Variants in LRRTM4 observed in about 807,000 individuals in gnomAD.
The protein encoded by LRRTM4 is leucine rich repeat transmembrane neuronal 4.
Under a neutral mutation model 47.6 loss-of-function variants are expected in LRRTM4, and 25 were observed. The observed-to-expected ratio is 0.53, with a 90% CI of 0.38 to 0.73. LRRTM4 has a LOEUF of 0.73. Among genes scored for constraint, LRRTM4 ranks in the 30% least tolerant of loss-of-function variants. The pLI is 0.00. For synonymous variants in LRRTM4, 311 were observed against 269.5 expected (o/e 1.15, Z -1.51); for missense variants, 638 against 713.4 (o/e 0.89, Z 1.20).
intron 3 of LRRTM4, among the ~76,000 whole-genome samples, chr2:77,064,783 G>C (rs1025953683): frequency 2.6e-5 from 4 of 152,122 alleles, no homozygotes; most frequent in African/African-American, 9.7e-5. Context: ...ATTTGTCACA[G>C]ATTGGGGGGA....
intron 3 of LRRTM4, among the ~76,000 whole-genome samples, chr2:76,778,709 C>A (rs1297638948): frequency 6.6e-6 from 1 of 151,324 alleles, no homozygotes; most frequent in Non-Finnish European, 1.5e-5. Context: ...TTCAAAAAAC[C>A]AGCTCCTGGA....
chr2:76,813,793 G>A (rs1221469845), intron 3 of LRRTM4, among the ~76,000 whole-genome samples: 1 of 152,096 alleles, frequency 6.6e-6, no homozygotes, highest in Non-Finnish European at 1.5e-5. Flanking sequence ...CACAAAGATT[G>A]TGAAGATACT....
At chr2:77,521,560 G>T in intron 2 of LRRTM4, 108 bp downstream of exon 2, 1 of 1,269,696 alleles carries the variant, frequency 7.9e-7, no homozygotes, top group Non-Finnish European at 1.1e-6. Flanking sequence ...CTCAAAGGCT[G>T]CTGCTCTTTG....
At chr2:77,019,904 T>G (rs139929277) in intron 3 of LRRTM4, among the ~76,000 whole-genome samples, 1 of 151,992 alleles carries the variant, frequency 6.6e-6, no homozygotes, top group African/African-American at 2.4e-5. Flanking sequence ...GTTGAAAGAA[T>G]GTCAAACAAA....
intron 3 of LRRTM4, among the ~76,000 whole-genome samples, chr2:76,904,053 G>T (rs1168455024): frequency 1.3e-5 from 2 of 152,204 alleles, no homozygotes; most frequent in Non-Finnish European, 2.9e-5. Flanking sequence ...AATATTTGCA[G>T]CAACACTGGT....
intron 3 of LRRTM4, among the ~76,000 whole-genome samples, chr2:77,055,788 C>T (rs971747683): frequency 6.6e-6 from 1 of 151,680 alleles, no homozygotes; most frequent in African/African-American, 2.4e-5. Flanking sequence ...TTGGAACCAA[C>T]CCAAATGTCC....
intron 3 of LRRTM4, among the ~76,000 whole-genome samples, chr2:77,078,949 T>G (rs543484913): frequency 1.6e-4 from 24 of 152,258 alleles, no homozygotes; most frequent in Non-Finnish European, 2.2e-4. Flanking sequence ...TGGCTGTCCC[T>G]CAGTGGCAGA....
intron 3 of LRRTM4, among the ~76,000 whole-genome samples, chr2:76,951,377 CAATT>C (rs1278504269): frequency 3.3e-5 from 5 of 151,916 alleles, no homozygotes; most frequent in East Asian, 1.9e-4. Flanking sequence ...TATAAAAAAA[CAATT>C]TATTTCTTTT....
At chr2:77,338,261 A>T (rs2104268827) in intron 3 of LRRTM4, among the ~76,000 whole-genome samples, 1 of 152,238 alleles carries the variant, frequency 6.6e-6, no homozygotes, top group African/African-American at 2.4e-5. Context: ...TCAACTAAAC[A>T]GCTTCTGCAC....
chr2:76,783,964 G>A (rs1427315114), intron 3 of LRRTM4, among the ~76,000 whole-genome samples: 2 of 152,090 alleles, frequency 1.3e-5, no homozygotes, highest in Non-Finnish European at 2.9e-5. Flanking sequence ...AGAACTGGAG[G>A]GTTAAGAAAA....
intron 3 of LRRTM4, among the ~76,000 whole-genome samples, chr2:76,801,675 G>A (rs932609282): frequency 2.0e-5 from 3 of 151,036 alleles, no homozygotes; most frequent in African/African-American, 7.3e-5. Context: ...AAAAAAAAAA[G>A]AAAAGTACAG....
intron 3 of LRRTM4, among the ~76,000 whole-genome samples, chr2:76,751,208 ACTATTCACTT>A (rs1158701448): frequency 6.6e-6 from 1 of 152,174 alleles, no homozygotes; most frequent in Non-Finnish European, 1.5e-5. Context: ...TTCTGTTTTT[ACTATTCACTT>A]CTATTAACTT....
rs970299037 is a variant in LRRTM4 at position 77,165,334 on chromosome 2, C to CA, written c.1551+352983dup. On this transcript the variant is annotated intron_variant, in intron 3 of 3. Coordinates refer to ENST00000409884, the MANE Select transcript of LRRTM4 (RefSeq NM_001134745.3). ...AGGCAATAATTAATAGCTTACCAACCAAAAAAAGTCCAGGACCGACAGATT... is the reference window on the plus strand; with the variant it reads ...AGGCAATAATTAATAGCTTACCAACCAAAAAAAAGTCCAGGACCGACAGATT... Among the ~76,000 whole-genome samples, 3 of 151,990 alleles carry CA rather than the reference C, an allele frequency of 2.0e-5. No homozygotes were observed. The East Asian group carries it at 5.8e-4, about 29-fold the overall frequency.
At chr2:76,827,312 A>G (rs1195600481) in intron 3 of LRRTM4, among the ~76,000 whole-genome samples, 1 of 151,808 alleles carries the variant, frequency 6.6e-6, no homozygotes, top group Admixed American at 6.6e-5. Flanking sequence ...CATGAAGAGA[A>G]AGATTTGGGG....
At chr2:77,489,584 A>G (rs1678058591) in intron 3 of LRRTM4, among the ~76,000 whole-genome samples, 1 of 152,224 alleles carries the variant, frequency 6.6e-6, no homozygotes, top group Non-Finnish European at 1.5e-5. Context: ...AAAAATGTGG[A>G]CCACAGTGCT....
intron 3 of LRRTM4, chr2:77,517,670 T>C: frequency 1.1e-6 from 1 of 951,504 alleles, no homozygotes; most frequent in Non-Finnish European, 1.2e-6. Context: ...AAGGAAGGAG[T>C]GAAAGAAAGT....
chr2:77,248,229 A>G (rs1182784089), intron 3 of LRRTM4, among the ~76,000 whole-genome samples: 5 of 151,702 alleles, frequency 3.3e-5, no homozygotes, highest in African/African-American at 1.2e-4. Context: ...TTATGTGAGT[A>G]TATGTGTGTT....
chr2:76,906,054 T>C (rs1385553595), intron 3 of LRRTM4, among the ~76,000 whole-genome samples: 25 of 152,014 alleles, frequency 1.6e-4, no homozygotes, highest in Admixed American at 3.9e-4. Context: ...TCAGATTCAC[T>C]AAAGTTGAAA....
intron 3 of LRRTM4, among the ~76,000 whole-genome samples, chr2:77,162,516 T>G (rs1034591703): frequency 6.6e-6 from 1 of 152,168 alleles, no homozygotes; most frequent in Admixed American, 6.6e-5. Flanking sequence ...ATGGACAGAC[T>G]GCCTCCTCAA....
Sources: allele counts gnomAD v4.1 joint callset (sites outside exome capture counted in the v4.1 genomes callset), GRCh38; gene constraint gnomAD v4.1.1; transcripts MANE v1.5; gene names NCBI Gene and HGNC (gene_info 2026-07-23, HGNC 2026-07-21).